CLCN4: variants seen among roughly 807,000 people sequenced by gnomAD.
The protein encoded by CLCN4 is Cl-/H+ antiporter 4.
CLCN4 carries 1 observed loss-of-function variant against 41.7 expected under a neutral mutation model. The ratio of observed to expected loss-of-function variants is 0.02; its 90% CI spans 0.01 to 0.11. The LOEUF is 0.11. CLCN4 is among the 10% of genes least tolerant of loss of function. The probability of loss-of-function intolerance (pLI) is 1.00; values close to 1 mark genes in which losing one functional copy is unlikely to be tolerated. For synonymous variants in CLCN4, 277 were observed against 285.8 expected (o/e 0.97, Z 0.31); for missense variants, 287 against 661.0 (o/e 0.43, Z 6.20).
intron 12 of CLCN4, among the ~76,000 whole-genome samples, chrX:10,228,496 T>G (rs1925044988): frequency 9.0e-6 from 1 of 110,616 alleles, no homozygotes; most frequent in Admixed American, 9.7e-5. Context: ...GACCTGGGCG[T>G]GATGGGAAGA....
intron 2 of CLCN4, among the ~76,000 whole-genome samples, chrX:10,173,244 C>T (rs147836653): frequency 0.014 from 1,539 of 111,317 alleles, 29 homozygotes; most frequent in African/African-American, 0.047. Flanking sequence ...TTGGGCCACA[C>T]CCCAGCTCTC....
rs1188696081 is a variant in CLCN4 at position 10,237,127 on chromosome X, A to AT, written c.*3547dup. ...ACAAAGGAGATGTGTAAACTGATAG[A>AT]TTTTGAGCCTAATAAGTCACAGAAA... On this transcript the variant is annotated 3_prime_UTR_variant, in exon 13 of 13. Transcript: ENST00000380833. 5 of 112,486 alleles carry AT rather than the reference A, an allele frequency of 4.4e-5. No individual in the cohort carries two copies. The highest frequency in any genetic ancestry group is 1.6e-4 in the African/African-American group (5 of 30,947). 9.3% of individuals were successfully genotyped at this position (112,486 alleles called of 1,213,427 possible). A position where few individuals can be genotyped will look rare whatever the true frequency, so the allele number is the denominator to read the frequency against.
In CLCN4 at chrX:10,205,256, A is replaced by G. The variant is rs751313371; in HGVS notation, c.556-1102A>G. Among the ~76,000 whole-genome samples, 22 of 110,925 alleles carry G rather than the reference A, an allele frequency of 2.0e-4. No homozygotes were observed. The East Asian group carries it at 6.3e-3, about 32-fold the overall frequency. ...TGGGAGGCCAAGGCGGGCGGATCAC[A>G]AGATCAGGAGATGGAGTCCATCCTG... On this transcript the variant is annotated intron_variant, in intron 6 of 12. Coordinates refer to ENST00000380833, the MANE Select transcript of CLCN4 (RefSeq NM_001830.4).
At chrX:10,230,174 G>C (rs983029590) in intron 12 of CLCN4, among the ~76,000 whole-genome samples, 5 of 111,842 alleles carry the variant, frequency 4.5e-5, no homozygotes, top group African/African-American at 1.6e-4. Context: ...TGTCAGATGG[G>C]TAGTTTGCTA....
At chrX:10,228,686 A>G (rs762958231) in intron 12 of CLCN4, among the ~76,000 whole-genome samples, 1 of 111,596 alleles carries the variant, frequency 9.0e-6, no homozygotes, top group Non-Finnish European at 1.9e-5. Context: ...GCTGGGAGTA[A>G]TAGTCAAAGT....
rs1022340096 is a variant in CLCN4 at position 10,202,868 on chromosome X, T to G, written c.556-3490T>G. On this transcript the variant is annotated intron_variant, in intron 6 of 12. Coordinates refer to ENST00000380833, the MANE Select transcript of CLCN4 (RefSeq NM_001830.4). ...AAAACATAAACACTCTTACAAATATTTATTTATCGGAAAGAGTTCTGGTTT... is the reference window on the plus strand; with the variant it reads ...AAAACATAAACACTCTTACAAATATGTATTTATCGGAAAGAGTTCTGGTTT... Among the ~76,000 whole-genome samples the G allele has an allele frequency of 2.7e-5, 3 of 110,888 alleles. No homozygotes were observed. The Admixed American group carries it at 2.9e-4, about 11-fold the overall frequency.
At chrX:10,175,489 C>T (rs1923495298) in intron 2 of CLCN4, among the ~76,000 whole-genome samples, 1 of 111,562 alleles carries the variant, frequency 9.0e-6, no homozygotes, top group African/African-American at 3.3e-5. Flanking sequence ...TCTCGTAATC[C>T]ACAAGGTTGG....
intron 2 of CLCN4, among the ~76,000 whole-genome samples, chrX:10,166,279 C>T (rs774183084): frequency 2.3e-4 from 26 of 112,085 alleles, no homozygotes; most frequent in Non-Finnish European, 4.9e-4. Context: ...ATCAGCAGCG[C>T]GCGTCCCTTC....
chrX:10,178,639 T>C (rs1487724880), intron 2 of CLCN4, among the ~76,000 whole-genome samples: 1 of 111,746 alleles, frequency 8.9e-6, no homozygotes, highest in African/African-American at 3.3e-5. Context: ...ACTTTTCCTG[T>C]GATTATGCCT....
chrX:10,208,852 C>T (rs1956472751), intron 9 of CLCN4, among the ~76,000 whole-genome samples: 1 of 112,082 alleles, frequency 8.9e-6, no homozygotes, highest in South Asian at 3.7e-4. Flanking sequence ...ATCAGACCCA[C>T]AGCTTATGGG....
intron 2 of CLCN4, among the ~76,000 whole-genome samples, chrX:10,169,791 C>CTTTT (rs768158943): frequency 1.7e-5 from 1 of 58,546 alleles, no homozygotes; most frequent in Non-Finnish European, 3.1e-5. Flanking sequence ...CTTTTCTTTT[C>CTTTT]TTTTTTTTTT....
At chrX:10,190,286 G>A (rs1446469016) in intron 4 of CLCN4, among the ~76,000 whole-genome samples, 1 of 111,768 alleles carries the variant, frequency 8.9e-6, no homozygotes, top group African/African-American at 3.3e-5. Flanking sequence ...AGGTAATTGT[G>A]GTTTTTGCCA....
At chrX:10,202,173 CA>C (rs1924253495) in intron 6 of CLCN4, among the ~76,000 whole-genome samples, 1 of 110,165 alleles carries the variant, frequency 9.1e-6, no homozygotes, top group Non-Finnish European at 1.9e-5. Context: ...CTCATCTCTA[CA>C]AAAAAATGAA....
At chrX:10,188,548 C>G (rs1250791766) in intron 4 of CLCN4, among the ~76,000 whole-genome samples, 1 of 112,374 alleles carries the variant, frequency 8.9e-6, no homozygotes, top group Admixed American at 9.4e-5. Flanking sequence ...TCAAACGCAC[C>G]AGCCCTTCCG....
chrX:10,205,800 G>A (rs778185836), intron 6 of CLCN4, among the ~76,000 whole-genome samples: 9 of 105,643 alleles, frequency 8.5e-5, no homozygotes, highest in African/African-American at 3.1e-4. Flanking sequence ...TTTTTTCTTT[G>A]CAGAGATGGG....
At chrX:10,170,884 G>A (rs1569223621) in intron 2 of CLCN4, among the ~76,000 whole-genome samples, 1 of 112,319 alleles carries the variant, frequency 8.9e-6, no homozygotes, top group Non-Finnish European at 1.9e-5. Flanking sequence ...ATATTAGGGA[G>A]TTTTTCTGAA....
chrX:10,204,784 T>C, intron 6 of CLCN4, among the ~76,000 whole-genome samples: 1 of 109,944 alleles, frequency 9.1e-6, no homozygotes, highest in East Asian at 2.8e-4. Context: ...TTTGCTCTTG[T>C]AGGGGCAAAC....
chrX:10,210,795 G>GTGCCACCA (rs1344350838), intron 9 of CLCN4, among the ~76,000 whole-genome samples: 1 of 104,698 alleles, frequency 9.6e-6, no homozygotes, highest in Non-Finnish European at 1.9e-5. Context: ...CTACAGACAC[G>GTGCCACCA]TGCCACCATG....
intron 9 of CLCN4, among the ~76,000 whole-genome samples, chrX:10,208,981 G>T (rs950293676): frequency 9.0e-5 from 10 of 111,606 alleles, no homozygotes; most frequent in African/African-American, 3.3e-4. Context: ...GTTTGGCTCA[G>T]TTTGGCTCAT....
Sources: allele counts gnomAD v4.1 joint callset (sites outside exome capture counted in the v4.1 genomes callset), GRCh38; gene constraint gnomAD v4.1.1; transcripts MANE v1.5; gene names NCBI Gene and HGNC (gene_info 2026-07-23, HGNC 2026-07-21).